The following GPR161 variants were observed in gnomAD, a reference collection of about 807,000 sequenced individuals.
The protein encoded by GPR161 is G protein-coupled receptor 161.
A neutral mutation model predicts 39.2 loss-of-function variants in GPR161; 25 were observed. That is an observed-to-expected ratio of 0.64 (90% confidence interval 0.47 to 0.89). The LOEUF (loss-of-function observed/expected upper bound fraction) is 0.89. Ranked by LOEUF, GPR161 falls within the 40% of genes least tolerant of loss-of-function variation. GPR161 has a pLI of 0.00. For missense variants in GPR161, 547 were observed against 677.8 expected (o/e 0.81, Z 2.14); for synonymous variants, 286 against 276.6 (o/e 1.03, Z -0.34).
chr1:168,137,115 C>T (rs1699452366), upstream of GPR161: 2 of 1,161,942 alleles, frequency 1.7e-6, no homozygotes, highest in East Asian at 4.2e-5. Context: ...GCTTCTTTCC[C>T]ATTTCTTCCC....
chr1:168,098,100 A>G lies in GPR161; in HGVS notation c.375-868T>C, dbSNP rs142308179. Among the ~76,000 whole-genome samples, 353 of 152,262 alleles carry G rather than the reference A, an allele frequency of 2.3e-3. 2 individuals are homozygous for G. The highest frequency in any genetic ancestry group is 7.9e-3 in the African/African-American group (330 of 41,550). ...GAGGGTCACAGCAGGCTCCTGTTGG[A>G]GGTGATGCTCCAGACCCAGGTCTCA... On this transcript the variant is annotated intron_variant, in intron 2 of 5. Coordinates refer to ENST00000682931, the MANE Select transcript of GPR161 (RefSeq NM_001375883.1). The surrounding 1 kb of genome is among the most constrained non-coding windows in gnomAD (Gnocchi z 4.1).
rs61809580 is a variant in GPR161 at position 168,122,364 on chromosome 1, A to G, written c.-45+14375T>C. Among the ~76,000 whole-genome samples, 23 of 152,224 alleles carry G rather than the reference A, an allele frequency of 1.5e-4. 1 individual carries two copies. The highest frequency in any genetic ancestry group is 6.5e-4 in the Admixed American group (10 of 15,304). On this transcript the variant is annotated intron_variant, in intron 1 of 5. Transcript: ENST00000682931. ...CTACCACCACTCTGGTCCAGGCTAC[A>G]TTATATCTTCTCTGGATTATTAAAA...
Position 168,104,868 on chromosome 1 carries a change from G to C in GPR161, c.-18C>G. 1 of 1,611,314 alleles carries C rather than the reference G, an allele frequency of 6.2e-7. No individual in the cohort carries two copies. The highest frequency in any genetic ancestry group is 1.7e-5 in the Admixed American group (1 of 59,968). On this transcript the variant is annotated 5_prime_UTR_variant, in exon 2 of 6. Transcript: ENST00000682931. ...AGGCTCATGGTCAGTGCACCTCGGC[G>C]TGGGGTGGGCAGAGCATGCTGGACG...
intron 1 of GPR161, among the ~76,000 whole-genome samples, chr1:168,122,601 T>A (rs1698270163): frequency 6.6e-6 from 1 of 152,156 alleles, no homozygotes; most frequent in South Asian, 2.1e-4. Context: ...AATCTCTTAA[T>A]AAAAATTACC....
Position 168,084,462 on chromosome 1 carries a change from TGACATGTGCACACAAAGACA to T in GPR161, c.*1049_*1068del. 3.5e-6 allele frequency: 1 copy of T among 286,562 alleles called. No individual in the cohort carries two copies. Among genetic ancestry groups the T allele is most frequent in the East Asian group, 1.1e-4 (1 of 9,316 alleles). The allele number at this position is 286,562 out of a possible 1,614,324, so 17.8% of individuals were successfully genotyped here. On this transcript the variant is annotated 3_prime_UTR_variant, in exon 6 of 6. Coordinates refer to ENST00000682931, the MANE Select transcript of GPR161 (RefSeq NM_001375883.1). ...CTAGAAAGGTGACAAGATGTCCAAA[TGACATGTGCACACAAAGACA>T]GAGCTGGGCCAATAACCCAGGTTGC...
At chr1:168,114,627 GCT>G (rs1234173940) in intron 1 of GPR161, 3 of 151,696 alleles carry the variant, frequency 2.0e-5, no homozygotes, top group Non-Finnish European at 4.4e-5. Flanking sequence ...CCACTTTTTA[GCT>G]ACATACGCCT....
intron 1 of GPR161, among the ~76,000 whole-genome samples, chr1:168,126,916 T>C (rs1371274446): frequency 2.6e-5 from 4 of 152,286 alleles, no homozygotes; most frequent in Middle Eastern, 3.4e-3. Context: ...TGATATCGAA[T>C]AGAAAGAACA....
rs200082292 is a variant in GPR161 at position 168,108,617 on chromosome 1, AAG to A, written c.-44-3725_-44-3724del. On this transcript the variant is annotated intron_variant, in intron 1 of 5. Transcript: ENST00000682931. ...ATATAGGAAAGATACATCAGAAATT[AAG>A]AGAGAGAGAAGTAAATTTCTCTATT... 5.3e-3 allele frequency among the ~76,000 whole-genome samples: 804 copies of A among 151,684 alleles called. 7 individuals are homozygous for A. Among genetic ancestry groups the A allele is most frequent in the African/African-American group, 0.018 (759 of 41,450 alleles).
chr1:168,115,901 G>A (rs1017997175), intron 1 of GPR161, among the ~76,000 whole-genome samples: 2 of 151,658 alleles, frequency 1.3e-5, no homozygotes, highest in Admixed American at 6.6e-5. Flanking sequence ...TCAGCCTCCC[G>A]AGCAGCTGAG....
chr1:168,104,593 C>A lies in GPR161; in HGVS notation c.258G>T (p.Thr86=), dbSNP rs990607394. The part of the protein sequence containing the change: ...LSVLVLPFVV[T]SSIRREWIFG... Reference sequence around the variant, plus strand: ...AGATCCATTCCCTGCGGATGGAGCTCGTCACCACAAAAGGCAGCACCAACA... The same window carrying A: ...AGATCCATTCCCTGCGGATGGAGCTAGTCACCACAAAAGGCAGCACCAACA... Residue 86 remains threonine (T), a synonymous_variant, in exon 2 of 6, where the codon ACG becomes ACT. Coordinates refer to ENST00000682931, the MANE Select transcript of GPR161 (RefSeq NM_001375883.1). 6.2e-7 allele frequency: 1 copy of A among 1,613,680 alleles called. No homozygotes were observed. Among genetic ancestry groups the A allele is most frequent in the African/African-American group, 1.3e-5 (1 of 74,866 alleles).
chr1:168,110,559 AAAG>A (rs1489024597), intron 1 of GPR161, among the ~76,000 whole-genome samples: 5 of 107,514 alleles, frequency 4.7e-5, no homozygotes, highest in Non-Finnish European at 8.9e-5. Flanking sequence ...AAAGAAAAGA[AAAG>A]AAAAGAAAAG....
At chr1:168,137,229 TC>T, upstream of GPR161, 1 of 1,471,992 alleles carries the variant, frequency 6.8e-7, no homozygotes, top group Non-Finnish European at 9.0e-7. Context: ...CCTTCCCTGT[TC>T]CCGTTCCTCC....
chr1:168,087,164 C>T (rs867570447), intron 5 of GPR161, among the ~76,000 whole-genome samples: 7 of 152,208 alleles, frequency 4.6e-5, no homozygotes, highest in South Asian at 2.1e-4. Context: ...GCCATCACCG[C>T]TGTAGGAGCG....
At chr1:168,107,186 C>A (rs141067438) in intron 1 of GPR161, among the ~76,000 whole-genome samples, 2 of 151,898 alleles carry the variant, frequency 1.3e-5, no homozygotes, top group African/African-American at 2.4e-5. Flanking sequence ...AAAAGCTAAT[C>A]ATCCTCATCT....
intron 1 of GPR161, among the ~76,000 whole-genome samples, chr1:168,127,867 G>A (rs1033393543): frequency 5.9e-5 from 9 of 152,198 alleles, no homozygotes; most frequent in South Asian, 2.1e-4. Context: ...TTGTTGATGC[G>A]GAAGAGATGA....
intron 1 of GPR161, among the ~76,000 whole-genome samples, chr1:168,108,486 T>TAAAAAAAAAAAAAAAAAAA (rs10670498): frequency 8.6e-4 from 15 of 17,472 alleles, no homozygotes; most frequent in Non-Finnish European, 1.3e-3. Context: ...GCCCTAGTTG[T>TAAAAAAAAAAAAAAAAAAA]AAAAAAAAAA....
At chr1:168,101,665 G>C (rs1456562070) in intron 2 of GPR161, among the ~76,000 whole-genome samples, 1 of 152,156 alleles carries the variant, frequency 6.6e-6, no homozygotes, top group Non-Finnish European at 1.5e-5. Flanking sequence ...GGGCTAACAA[G>C]GTTACCATGA....
intron 1 of GPR161, chr1:168,136,330 G>A: frequency 1.3e-6 from 2 of 1,485,268 alleles, no homozygotes; most frequent in East Asian, 2.8e-5. Context: ...GGGACGTGGA[G>A]TCTCTTGGCC....
At chr1:168,087,741 A>G in intron 4 of GPR161, 37 bp from the exon 5 acceptor site, 3 of 1,575,274 alleles carry the variant, frequency 1.9e-6, no homozygotes, top group Non-Finnish European at 2.6e-6. Flanking sequence ...TGTAACTACA[A>G]TCTAAAGTCC....
Sources: allele counts gnomAD v4.1 joint callset (sites outside exome capture counted in the v4.1 genomes callset), GRCh38; gene constraint gnomAD v4.1.1; non-coding constraint Gnocchi (gnomAD v3.1); transcripts MANE v1.5; gene names NCBI Gene and HGNC (gene_info 2026-07-23, HGNC 2026-07-21).